ZFPM2: variants seen among roughly 807,000 people sequenced by gnomAD.
ZFPM2 encodes the protein zinc finger protein, FOG family member 2.
ZFPM2 carries 20 observed loss-of-function variants against 98.6 expected under a neutral mutation model. The observed-to-expected ratio is 0.20, with a 90% CI of 0.14 to 0.29. ZFPM2 has a LOEUF of 0.29. Ranked by LOEUF, ZFPM2 falls within the 10% of genes least tolerant of loss-of-function variation. The pLI is 1.00. For missense variants in ZFPM2, 1,310 were observed against 1,388.6 expected, an observed-to-expected ratio of 0.94 and a Z score of 0.90; for synonymous variants, 518 against 502.7, an observed-to-expected ratio of 1.03 and a Z score of -0.41.
Position 105,801,613 on chromosome 8 carries a change from C to T in ZFPM2, c.1531C>T (p.Pro511Ser). ...TTTCCCCCAAGATATCACCATGGTC[C>T]CTCAAGCTTCAGAGATCTTAGCTAA... is the stretch of plus-strand genomic sequence containing the variant. ...FSFPQDITMV[P>S]QASEILAKMS... is the part of the protein sequence containing the mutation. Residue 511 changes from proline (P) to serine (S), a missense_variant, in exon 8 of 8, where the codon CCT becomes TCT. Physicochemically the swap from Pro to Ser is moderately conservative, Grantham distance 74 (BLOSUM62 -1). Coordinates refer to ENST00000407775, the MANE Select transcript of ZFPM2 (RefSeq NM_012082.4). The T allele has an allele frequency of 6.2e-7, 1 of 1,613,784 alleles. No individual in the cohort carries two copies. The highest frequency in any genetic ancestry group is 8.5e-7 in the Non-Finnish European group (1 of 1,179,862).
In ZFPM2 at chr8:105,563,422, A is replaced by G. The variant is rs1815180883; in HGVS notation, c.420+1941A>G. ...CATGTATTTATCCATAAAAGGATGA[A>G]GTAGGGGTTTTCACATACATTTAAG... is the stretch of plus-strand genomic sequence containing the variant. On this transcript the variant is annotated intron_variant, in intron 4 of 7. Transcript: ENST00000407775. 2.6e-5 allele frequency among the ~76,000 whole-genome samples: 4 copies of G among 152,286 alleles called. No homozygotes were observed. The East Asian group carries it at 7.7e-4, about 29-fold the overall frequency.
At chr8:105,597,102 G>C (rs1815987247) in intron 4 of ZFPM2, among the ~76,000 whole-genome samples, 1 of 151,358 alleles carries the variant, frequency 6.6e-6, no homozygotes, top group Admixed American at 6.6e-5. Context: ...CTGTACCTTG[G>C]TATCTGTGAA....
At chr8:105,737,234 C>G (rs1331632158) in intron 5 of ZFPM2, 2 of 152,058 alleles carry the variant, frequency 1.3e-5, no homozygotes, top group Non-Finnish European at 2.9e-5. Flanking sequence ...AACTATTATT[C>G]TTGATTGTCA....
intron 5 of ZFPM2, among the ~76,000 whole-genome samples, chr8:105,759,013 G>T (rs1189768835): frequency 6.6e-6 from 1 of 152,044 alleles, no homozygotes; most frequent in African/African-American, 2.4e-5. Flanking sequence ...TAGGTAGGTG[G>T]AGTTATAAAG....
chr8:105,406,449 T>A (rs1758530807), intron 1 of ZFPM2, among the ~76,000 whole-genome samples: 1 of 151,994 alleles, frequency 6.6e-6, no homozygotes, highest in African/African-American at 2.4e-5. Context: ...TATACAAAAA[T>A]TAATTCAAGA....
At position 105,753,904 on chromosome 8, in the gene ZFPM2, C is replaced by T. The variant is rs375894825; in HGVS notation, c.533-34814C>T. Among the ~76,000 whole-genome samples, 10 of 152,242 alleles carry T rather than the reference C, an allele frequency of 6.6e-5. No individual in the cohort carries two copies. The South Asian group carries it at 1.2e-3, about 19-fold the overall frequency. ...GTACTGCTGTTTCAGCAAGTGTGTG[C>T]ACTCAGTATGGTCCTTGTATCATTG... On this transcript the variant is annotated intron_variant, in intron 5 of 7. Coordinates refer to ENST00000407775, the MANE Select transcript of ZFPM2 (RefSeq NM_012082.4).
chr8:105,673,379 A>C (rs1472103456), intron 5 of ZFPM2, among the ~76,000 whole-genome samples: 2 of 152,010 alleles, frequency 1.3e-5, no homozygotes, highest in African/African-American at 4.8e-5. Context: ...TCAAAATGAT[A>C]GTCAGCAACC....
chr8:105,432,036 A>G (rs902117546), intron 2 of ZFPM2, among the ~76,000 whole-genome samples: 8 of 152,128 alleles, frequency 5.3e-5, no homozygotes, highest in African/African-American at 1.9e-4. Flanking sequence ...GAGCGACACC[A>G]GCCTGGTGAG....
intron 3 of ZFPM2, among the ~76,000 whole-genome samples, chr8:105,495,538 T>C (rs948902523): frequency 3.1e-4 from 47 of 152,222 alleles, no homozygotes; most frequent in African/African-American, 1.1e-3. Context: ...TAGAAGTTTG[T>C]TAGTTTGCTT....
At chr8:105,438,643 G>A (rs1812173193) in intron 2 of ZFPM2, among the ~76,000 whole-genome samples, 1 of 152,066 alleles carries the variant, frequency 6.6e-6, no homozygotes, top group African/African-American at 2.4e-5. Flanking sequence ...GAATGTCTGA[G>A]ACATGAGTGT....
At position 105,481,927 on chromosome 8, in the gene ZFPM2, A is replaced by G. The variant is rs76790273; in HGVS notation, c.301+37546A>G. On this transcript the variant is annotated intron_variant, in intron 3 of 7. Coordinates refer to ENST00000407775, the MANE Select transcript of ZFPM2 (RefSeq NM_012082.4). ...GCCACAAATAATAAGAAAAATCCCA[A>G]TTTGAATTTGACTTCTGAGTAAATG... 9.1e-3 allele frequency among the ~76,000 whole-genome samples: 1,383 copies of G among 152,292 alleles called. 19 individuals carry two copies. Among genetic ancestry groups the G allele is most frequent in the African/African-American group, 0.031 (1,283 of 41,556 alleles).
chr8:105,482,843 C>A (rs749591693), intron 3 of ZFPM2, among the ~76,000 whole-genome samples: 5 of 152,114 alleles, frequency 3.3e-5, no homozygotes, highest in Admixed American at 1.3e-4. Context: ...TTCTTGTTCA[C>A]TGTTGATACT....
intron 2 of ZFPM2, among the ~76,000 whole-genome samples, chr8:105,421,503 G>A (rs1331627156): frequency 1.3e-5 from 2 of 152,110 alleles, no homozygotes; most frequent in Non-Finnish European, 2.9e-5. Context: ...CAGAATGTGT[G>A]ACCAGGGAAT....
chr8:105,773,002 T>G, intron 5 of ZFPM2, among the ~76,000 whole-genome samples: 1 of 152,180 alleles, frequency 6.6e-6, no homozygotes, highest in Non-Finnish European at 1.5e-5. Context: ...AGTTGTTTAG[T>G]CAGTTAACAT....
At chr8:105,463,414 A>G (rs182056870) in intron 3 of ZFPM2, among the ~76,000 whole-genome samples, 214 of 151,730 alleles carry the variant, frequency 1.4e-3, no homozygotes, top group African/African-American at 4.9e-3. Flanking sequence ...GTGTGTGTGT[A>G]TATATATAAC....
intron 5 of ZFPM2, among the ~76,000 whole-genome samples, chr8:105,701,485 A>G (rs898713555): frequency 6.6e-6 from 1 of 152,184 alleles, no homozygotes; most frequent in Non-Finnish European, 1.5e-5. Flanking sequence ...TTCTGTATAA[A>G]GCAATCTTGT....
At chr8:105,557,022 C>A (rs1423477533) in intron 3 of ZFPM2, among the ~76,000 whole-genome samples, 2 of 152,076 alleles carry the variant, frequency 1.3e-5, no homozygotes, top group African/African-American at 4.8e-5. Flanking sequence ...CCATGTCTGG[C>A]CTCTAGTTCT....
intron 4 of ZFPM2, among the ~76,000 whole-genome samples, chr8:105,562,806 C>A (rs1172715203): frequency 6.6e-6 from 1 of 152,194 alleles, no homozygotes; most frequent in Non-Finnish European, 1.5e-5. Context: ...GATTAACACT[C>A]TCAATTCCAT....
Position 105,801,129 on chromosome 8 carries a change from C to T in ZFPM2, c.1047C>T (p.Asn349=). ...VCSYTADSVI[N]FHQHLFSHLT... ...GCTACACTGCTGATTCCGTGATCAACTTTCACCAACACCTGTTCTCCCATC... is the reference window on the plus strand; with the variant it reads ...GCTACACTGCTGATTCCGTGATCAATTTTCACCAACACCTGTTCTCCCATC... The change falls in exon 8 of 8, where the codon AAC becomes AAT. Residue 349 remains asparagine, a synonymous_variant. Coordinates refer to ENST00000407775, the MANE Select transcript of ZFPM2 (RefSeq NM_012082.4). The T allele has an allele frequency of 6.2e-7, 1 of 1,613,976 alleles. No individual in the cohort carries two copies. Among genetic ancestry groups the T allele is most frequent in the Non-Finnish European group, 8.5e-7 (1 of 1,179,878 alleles).
Sources: allele counts gnomAD v4.1 joint callset (sites outside exome capture counted in the v4.1 genomes callset), GRCh38; gene constraint gnomAD v4.1.1; transcripts MANE v1.5; gene names NCBI Gene and HGNC (gene_info 2026-07-23, HGNC 2026-07-21).